Variants in PDE4D observed in about 807,000 individuals in gnomAD.
The protein encoded by PDE4D is phosphodiesterase 4D.
PDE4D carries 24 observed loss-of-function variants against 87.4 expected under a neutral mutation model. That is an observed-to-expected ratio of 0.27 (90% confidence interval 0.20 to 0.39). The LOEUF is 0.39. PDE4D is among the 10% of genes least tolerant of loss of function. PDE4D has a pLI of 1.00. For missense variants in PDE4D, 714 were observed against 1,041.0 expected (o/e 0.69, Z 4.32); for synonymous variants, 384 against 383.2 (o/e 1.00, Z -0.02).
intron 1 of PDE4D, among the ~76,000 whole-genome samples, chr5:59,301,144 C>T (rs1770168259): frequency 6.6e-6 from 1 of 151,902 alleles, no homozygotes; most frequent in South Asian, 2.1e-4. Flanking sequence ...GCATTCCTTC[C>T]CCCAGGGTAT....
intron 1 of PDE4D, among the ~76,000 whole-genome samples, chr5:59,511,543 A>C (rs940959660): frequency 4.6e-5 from 7 of 152,016 alleles, no homozygotes; most frequent in African/African-American, 1.7e-4. Context: ...CTTGTTGACT[A>C]ATATGCACAA....
At chr5:60,213,880 A>C (rs1743543889) in intron 1 of PDE4D, among the ~76,000 whole-genome samples, 1 of 152,170 alleles carries the variant, frequency 6.6e-6, no homozygotes. Flanking sequence ...ATAGGACTTT[A>C]TGCTGAATGC....
chr5:59,531,952 TCA>T (rs1225309381), intron 1 of PDE4D, among the ~76,000 whole-genome samples: 1 of 152,174 alleles, frequency 6.6e-6, no homozygotes, highest in Non-Finnish European at 1.5e-5. Context: ...CTCCAAAAGG[TCA>T]CAGATTTTTA....
intron 1 of PDE4D, among the ~76,000 whole-genome samples, chr5:59,676,585 A>C (rs528152203): frequency 1.8e-4 from 27 of 152,326 alleles, no homozygotes; most frequent in Non-Finnish European, 2.5e-4. Context: ...TATTCATTTT[A>C]AATCTCAAAC....
intron 1 of PDE4D, among the ~76,000 whole-genome samples, chr5:59,596,336 CA>C (rs961666957): frequency 1.1e-3 from 147 of 135,238 alleles, no homozygotes; most frequent in Middle Eastern, 3.7e-3. Context: ...ACGAGAAATA[CA>C]AAAAAAAAAA....
At position 59,767,476 on chromosome 5, in the gene PDE4D, C is replaced by CT. The variant is rs879613137; in HGVS notation, c.455+125691dup. Among the ~76,000 whole-genome samples the CT allele has an allele frequency of 8.1e-3, 1,175 of 144,892 alleles. 5 individuals are homozygous for CT. The highest frequency in any genetic ancestry group is 0.013 in the Admixed American group (187 of 14,506). ...CTGTTTTAATATTTGGGTTTTTCTT[C>CT]TTTTTTTTTTTTCCAAGAGCAGGAA... On this transcript the variant is annotated intron_variant, in intron 1 of 14. Coordinates refer to ENST00000340635, the MANE Select transcript of PDE4D (RefSeq NM_001104631.2).
chr5:59,586,678 T>C, intron 1 of PDE4D: 1 of 985,424 alleles, frequency 1.0e-6, no homozygotes, highest in African/African-American at 1.7e-5. Context: ...TAATCCTAAA[T>C]GGTGGCAAAT....
upstream of PDE4D, among the ~76,000 whole-genome samples, chr5:59,895,447 A>G (rs1227785171): frequency 6.6e-6 from 1 of 152,222 alleles, no homozygotes; most frequent in East Asian, 1.9e-4. Flanking sequence ...CAATCTCCTA[A>G]GCACCACTCT....
chr5:59,039,434 A>G, intron 5 of PDE4D: 1 of 992,210 alleles, frequency 1.0e-6, no homozygotes, highest in Non-Finnish European at 1.2e-6. Flanking sequence ...CCGCGGCCCC[A>G]CGCCCGCCCC....
rs552536301 is a variant in PDE4D, at chr5:60,129,392, C to G, written c.42+56165G>C. Among the ~76,000 whole-genome samples, 1,105 of 152,278 alleles carry G rather than the reference C, an allele frequency of 7.3e-3. 6 individuals carry two copies. Among genetic ancestry groups the G allele is most frequent in the Admixed American group, 0.014 (209 of 15,292 alleles). On this transcript the variant is annotated intron_variant, in intron 2 of 16. Coordinates refer to the PDE4D transcript ENST00000502484. ...AGAAGAGGCAGGAAAAAAGAAATGTCAAATGCATGAAAGTATTATTAACAT... is the reference window on the plus strand; with the variant it reads ...AGAAGAGGCAGGAAAAAAGAAATGTGAAATGCATGAAAGTATTATTAACAT...
At chr5:59,721,467 C>T (rs1400277110) in intron 1 of PDE4D, among the ~76,000 whole-genome samples, 2 of 152,090 alleles carry the variant, frequency 1.3e-5, no homozygotes, top group African/African-American at 4.8e-5. Context: ...CTAGGGACTA[C>T]TGGAAGTAAT....
intron 2 of PDE4D, among the ~76,000 whole-genome samples, chr5:60,035,518 T>C (rs1268209887): frequency 1.3e-5 from 2 of 152,102 alleles, no homozygotes; most frequent in African/African-American, 4.8e-5. Context: ...CTAGACCCCC[T>C]TTTCCTTCCA....
At chr5:60,227,449 C>G (rs1745249109) in intron 1 of PDE4D, among the ~76,000 whole-genome samples, 1 of 151,876 alleles carries the variant, frequency 6.6e-6, no homozygotes, top group South Asian at 2.1e-4. Context: ...GGATGAGTCC[C>G]TGGCTACAGC....
At chr5:60,315,316 T>C (rs1000865542) in intron 1 of PDE4D, among the ~76,000 whole-genome samples, 24 of 152,168 alleles carry the variant, frequency 1.6e-4, no homozygotes, top group African/African-American at 5.5e-4. Flanking sequence ...ATCCTTCGCC[T>C]ATTTGTTGAT....
chr5:59,147,776 T>C (rs980429826), intron 5 of PDE4D, among the ~76,000 whole-genome samples: 27 of 152,250 alleles, frequency 1.8e-4, no homozygotes, highest in African/African-American at 3.4e-4. Flanking sequence ...TTGTTGTTTT[T>C]CTTTTGCCAG....
intron 1 of PDE4D, among the ~76,000 whole-genome samples, chr5:59,622,162 A>G (rs922961051): frequency 1.3e-5 from 2 of 151,980 alleles, no homozygotes; most frequent in African/African-American, 4.8e-5. Context: ...CCGCTACACT[A>G]TTTTCTTTAT....
At chr5:59,935,814 C>T (rs1373818709) in intron 3 of PDE4D, among the ~76,000 whole-genome samples, 6 of 152,086 alleles carry the variant, frequency 3.9e-5, no homozygotes, top group Admixed American at 3.9e-4. Context: ...GCATAGTATT[C>T]CATGGTGTAT....
At chr5:59,275,819 A>G in intron 1 of PDE4D, 1 of 986,770 alleles carries the variant, frequency 1.0e-6, no homozygotes, top group Non-Finnish European at 1.2e-6. Flanking sequence ...GAGAGAGAGA[A>G]AAAGAAAATG....
chr5:59,668,720 A>AAAG (rs201980727), intron 1 of PDE4D, among the ~76,000 whole-genome samples: 1,287 of 110,216 alleles, frequency 0.012, 58 homozygotes, highest in African/African-American at 0.015. Context: ...TCAAGAAAAA[A>AAAG]AAGAAGAAGA....
Sources: gnomAD v4.1 joint callset for allele counts (sites outside exome capture counted in the v4.1 genomes callset) on GRCh38, gnomAD v4.1.1 for gene constraint, MANE v1.5 for transcripts, NCBI Gene and HGNC (gene_info 2026-07-23, HGNC 2026-07-21) for gene names.